Variants in EFHD1 observed in about 807,000 individuals in gnomAD.
EFHD1 encodes the protein EF-hand domain family member D1.
Under a neutral mutation model 17.2 loss-of-function variants are expected in EFHD1, and 10 were observed. The ratio of observed to expected loss-of-function variants is 0.58; its 90% CI spans 0.36 to 0.99. The LOEUF (loss-of-function observed/expected upper bound fraction) is 0.99, where lower values mean the gene tolerates loss of function less well. Ranked by LOEUF, EFHD1 falls within the 50% of genes least tolerant of loss-of-function variation. The pLI is 0.01. For synonymous variants in EFHD1, 153 were observed against 142.0 expected, an observed-to-expected ratio of 1.08 and a Z score of -0.55; for missense variants, 310 against 327.5, an observed-to-expected ratio of 0.95 and a Z score of 0.41.
chr2:232,614,057 T>TACACATGCACACACATACACATATAC (rs144688838), intron 1 of EFHD1, among the ~76,000 whole-genome samples: 5 of 149,892 alleles, frequency 3.3e-5, no homozygotes, highest in Admixed American at 6.6e-5. Context: ...CACACATACA[T>TACACATGCACACACATACACATATAC]ACACATGCAC....
At chr2:232,631,691 T>TAGA (rs1553596983), upstream of EFHD1, among the ~76,000 whole-genome samples, 6 of 115,792 alleles carry the variant, frequency 5.2e-5, no homozygotes, top group African/African-American at 2.2e-4. Flanking sequence ...ATAAGAACAT[T>TAGA]AAAAAAAAAA....
intron 2 of EFHD1, among the ~76,000 whole-genome samples, chr2:232,669,821 G>A (rs904566871): frequency 6.6e-6 from 1 of 151,916 alleles, no homozygotes; most frequent in African/African-American, 2.4e-5. Flanking sequence ...GGCTGGTCTC[G>A]AACTCCTGAC....
At chr2:232,644,337 G>A (rs1195620617) in intron 1 of EFHD1, among the ~76,000 whole-genome samples, 1 of 151,960 alleles carries the variant, frequency 6.6e-6, no homozygotes, top group Admixed American at 6.6e-5. Context: ...CTTAGAAGGG[G>A]CTCCAGCTGC....
intron 1 of EFHD1, among the ~76,000 whole-genome samples, chr2:232,643,175 G>A (rs1367590924): frequency 6.6e-6 from 1 of 151,518 alleles, no homozygotes; most frequent in Non-Finnish European, 1.5e-5. Context: ...AAATTAACAT[G>A]TAACCAGCTA....
intron 2 of EFHD1, among the ~76,000 whole-genome samples, chr2:232,666,381 C>A (rs555955198): frequency 6.6e-6 from 1 of 152,326 alleles, no homozygotes; most frequent in African/African-American, 2.4e-5. Context: ...AGCCCGAATA[C>A]CCCTGGAGTA....
At chr2:232,633,511 G>A (rs553351016), upstream of EFHD1, 1 of 1,265,570 alleles carries the variant, frequency 7.9e-7, no homozygotes, top group Admixed American at 4.3e-5. Flanking sequence ...GCTGAGCCCT[G>A]GCGCCTCCTT....
chr2:232,669,789 C>T (rs1374677062), intron 2 of EFHD1, among the ~76,000 whole-genome samples: 20 of 151,890 alleles, frequency 1.3e-4, no homozygotes, highest in South Asian at 8.3e-4. Flanking sequence ...TTAGTGGAGA[C>T]GGGGTTTCAC....
chr2:232,680,770 A>C (rs899967552), intron 3 of EFHD1, among the ~76,000 whole-genome samples: 1 of 151,886 alleles, frequency 6.6e-6, no homozygotes, highest in African/African-American at 2.4e-5. Flanking sequence ...CAGCCTCCCA[A>C]AGTGCTGGGA....
At chr2:232,665,379 T>C (rs1574729747) in intron 2 of EFHD1, among the ~76,000 whole-genome samples, 1 of 152,236 alleles carries the variant, frequency 6.6e-6, no homozygotes, top group Non-Finnish European at 1.5e-5. Flanking sequence ...TTTATGAGTT[T>C]TATCAGAAGA....
intron 1 of EFHD1, chr2:232,638,311 G>GT: frequency 2.1e-6 from 1 of 470,664 alleles, no homozygotes; most frequent in Non-Finnish European, 4.4e-6. Context: ...CAGCCGCAAG[G>GT]TTTTTGCAGC....
At chr2:232,641,731 G>C (rs942182929) in intron 1 of EFHD1, among the ~76,000 whole-genome samples, 1 of 152,236 alleles carries the variant, frequency 6.6e-6, no homozygotes, top group African/African-American at 2.4e-5. Flanking sequence ...CTAGGCAGTC[G>C]CTTTAGAATC....
intron 1 of EFHD1, chr2:232,638,555 C>A (rs1694362656): frequency 2.3e-6 from 1 of 444,136 alleles, no homozygotes; most frequent in Non-Finnish European, 4.6e-6. Flanking sequence ...CCTCCTTAGT[C>A]TTGTCTCTAA....
At chr2:232,624,314 C>T (rs879688321) in intron 1 of EFHD1, among the ~76,000 whole-genome samples, 1 of 152,214 alleles carries the variant, frequency 6.6e-6, no homozygotes, top group Non-Finnish European at 1.5e-5. Flanking sequence ...AGCTTGCCCC[C>T]CAGACCACAG....
intron 1 of EFHD1, among the ~76,000 whole-genome samples, chr2:232,616,392 G>C (rs1266844580): frequency 6.6e-6 from 1 of 152,036 alleles, no homozygotes; most frequent in South Asian, 2.1e-4. Context: ...TCCGCCTCCC[G>C]GGTTCAAGCA....
intron 1 of EFHD1, among the ~76,000 whole-genome samples, chr2:232,613,586 C>G (rs1574698220): frequency 6.6e-6 from 1 of 151,302 alleles, no homozygotes; most frequent in Non-Finnish European, 1.5e-5. Flanking sequence ...AACTACTGCA[C>G]AGGGACAAAG....
upstream of EFHD1, among the ~76,000 whole-genome samples, chr2:232,630,465 G>A (rs576171762): frequency 3.9e-5 from 6 of 152,294 alleles, no homozygotes; most frequent in East Asian, 5.8e-4. Context: ...CTCAGAGGGC[G>A]TTCTGTCTAG....
intron 1 of EFHD1, among the ~76,000 whole-genome samples, chr2:232,639,825 T>C (rs1694393741): frequency 6.6e-6 from 1 of 152,182 alleles, no homozygotes; most frequent in Non-Finnish European, 1.5e-5. Context: ...CGTTTGTCTT[T>C]AGCTTTAGAC....
chr2:232,626,169 G>A (rs1694100850), intron 1 of EFHD1, among the ~76,000 whole-genome samples: 2 of 152,006 alleles, frequency 1.3e-5, no homozygotes, highest in Non-Finnish European at 2.9e-5. Context: ...TCCAGCCTGG[G>A]TGACAGAACA....
At chr2:232,641,063 A>T (rs1694422600) in intron 1 of EFHD1, among the ~76,000 whole-genome samples, 1 of 151,880 alleles carries the variant, frequency 6.6e-6, no homozygotes, top group African/African-American at 2.4e-5. Flanking sequence ...TATTTTTTGA[A>T]ACAGGGTCTC....
Sources: allele counts gnomAD v4.1 joint callset (sites outside exome capture counted in the v4.1 genomes callset), GRCh38; gene constraint gnomAD v4.1.1; transcripts MANE v1.5; gene names NCBI Gene and HGNC (gene_info 2026-07-23, HGNC 2026-07-21).